Variants in FGD4 observed in about 807,000 individuals in gnomAD.
FGD4 encodes the protein FYVE, RhoGEF and PH domain containing 4.
A neutral mutation model predicts 102.0 loss-of-function variants in FGD4; 42 were observed. The observed-to-expected ratio is 0.41, with a 90% CI of 0.32 to 0.53. The LOEUF (loss-of-function observed/expected upper bound fraction) is 0.53. Ranked by LOEUF, FGD4 falls within the 20% of genes least tolerant of loss-of-function variation. The pLI is 0.21. For synonymous variants in FGD4, 380 were observed against 375.7 expected (o/e 1.01, Z -0.13); for missense variants, 902 against 1,078.2 (o/e 0.84, Z 2.29).
At chr12:32,602,134 A>G (rs1454207684) in intron 6 of FGD4, 27 bp from the exon 7 acceptor site, 1 of 1,611,848 alleles carries the variant, frequency 6.2e-7, no homozygotes, top group East Asian at 2.2e-5. Context: ...TTTTTTTTAA[A>G]GACTTGTTTT....
intron 1 of FGD4, among the ~76,000 whole-genome samples, chr12:32,483,163 C>T (rs1350224814): frequency 2.0e-5 from 3 of 152,094 alleles, no homozygotes; most frequent in Non-Finnish European, 2.9e-5. Context: ...TAGCTTGTAA[C>T]GAATTGGTTA....
chr12:32,491,249 T>G (rs1944085446), intron 1 of FGD4, among the ~76,000 whole-genome samples: 1 of 151,340 alleles, frequency 6.6e-6, no homozygotes, highest in South Asian at 2.1e-4. Flanking sequence ...ACAATTAAAC[T>G]CTAAGTAGAG....
intron 1 of FGD4, among the ~76,000 whole-genome samples, chr12:32,440,043 T>A (rs1942378167): frequency 7.9e-6 from 1 of 126,270 alleles, no homozygotes; most frequent in Non-Finnish European, 1.7e-5. Context: ...AATTATCAAT[T>A]CCTTCTCTAT....
chr12:32,525,844 T>C (rs953405151), intron 1 of FGD4, among the ~76,000 whole-genome samples: 1 of 152,042 alleles, frequency 6.6e-6, no homozygotes, highest in Admixed American at 6.5e-5. Flanking sequence ...GTGTACTGAG[T>C]CCCCCAGCAC....
chr12:32,401,745 T>TTTTAG (rs60545477), intron 1 of FGD4, among the ~76,000 whole-genome samples: 1 of 121,690 alleles, frequency 8.2e-6, no homozygotes, highest in African/African-American at 3.0e-5. Flanking sequence ...TTTTTTTTTT[T>TTTTAG]GAGACGCAGT....
At chr12:32,524,597 G>A (rs1246329505) in intron 1 of FGD4, among the ~76,000 whole-genome samples, 1 of 151,926 alleles carries the variant, frequency 6.6e-6, no homozygotes, top group Admixed American at 6.6e-5. Flanking sequence ...GGCCAAGATG[G>A]GAGGACCGCT....
chr12:32,502,405 G>GC (rs1938296355), intron 1 of FGD4: 2 of 935,386 alleles, frequency 2.1e-6, no homozygotes, highest in East Asian at 2.3e-4. Context: ...TCTCCATGTG[G>GC]TCCAAGGAAA....
At position 32,619,597 on chromosome 12, in the gene FGD4, ACTC is replaced by A. The variant is rs1949674637; in HGVS notation, c.1750-99_1750-97del. On this transcript the variant is annotated intron_variant, in intron 10 of 16. Transcript: ENST00000534526. The stretch of plus-strand genomic sequence containing the variant: ...CAATGAGCCAAGGTCACACTATTAC[ACTC>A]CAGCCTGGGCAACAGAGTGAGACTC... The A allele has an allele frequency of 1.3e-5, 17 of 1,327,078 alleles. No homozygotes were observed. In the South Asian group the frequency reaches 1.8e-4, roughly 14 times the overall value. The allele number at this position is 1,327,078 out of a possible 1,614,324, so 82.2% of individuals were successfully genotyped here.
At chr12:32,581,888 A>G in intron 3 of FGD4, 72 bp from the exon 4 acceptor site, 1 of 1,552,026 alleles carries the variant, frequency 6.4e-7, no homozygotes, top group Non-Finnish European at 8.9e-7. Flanking sequence ...TTTCAACTGG[A>G]ATAAACTTGT....
intron 1 of FGD4, among the ~76,000 whole-genome samples, chr12:32,552,673 G>A (rs912995000): frequency 2.6e-5 from 4 of 152,066 alleles, no homozygotes; most frequent in African/African-American, 9.7e-5. Flanking sequence ...ATGAGGGAGA[G>A]CTGCCTTCCT....
intron 1 of FGD4, among the ~76,000 whole-genome samples, chr12:32,462,295 T>G (rs559201141): frequency 2.0e-5 from 3 of 152,264 alleles, no homozygotes; most frequent in South Asian, 4.1e-4. Context: ...TAGCTGGGAT[T>G]TCTGGTGCAT....
At chr12:32,638,937 C>G (rs1343920082) in intron 16 of FGD4, 142 bp downstream of exon 16, 7 of 1,505,262 alleles carry the variant, frequency 4.7e-6, no homozygotes, top group Non-Finnish European at 5.3e-6. Flanking sequence ...GAGTAAAGTT[C>G]AAGTTTGTTG....
chr12:32,433,915 GC>G (rs1006648454), intron 1 of FGD4, among the ~76,000 whole-genome samples: 1 of 151,970 alleles, frequency 6.6e-6, no homozygotes, highest in African/African-American at 2.4e-5. Flanking sequence ...GAGTGCAGTG[GC>G]GTGATCTTGG....
At chr12:32,581,237 T>C (rs564586400) in intron 3 of FGD4, among the ~76,000 whole-genome samples, 6 of 152,184 alleles carry the variant, frequency 3.9e-5, no homozygotes, top group African/African-American at 1.4e-4. Context: ...AAGAACACAG[T>C]GAGTTAAGGA....
intron 4 of FGD4, among the ~76,000 whole-genome samples, chr12:32,596,500 T>C (rs549313601): frequency 6.9e-4 from 105 of 152,230 alleles, no homozygotes; most frequent in African/African-American, 2.5e-3. Flanking sequence ...ATGTACATAG[T>C]ATGGATTTTG....
chr12:32,523,894 C>T (rs911364305), intron 1 of FGD4, among the ~76,000 whole-genome samples: 11 of 152,084 alleles, frequency 7.2e-5, no homozygotes, highest in African/African-American at 1.2e-4. Context: ...AGGAGAATGG[C>T]GTGAACCCGG....
chr12:32,612,580 C>T (rs964157777), intron 10 of FGD4, among the ~76,000 whole-genome samples: 8 of 151,708 alleles, frequency 5.3e-5, no homozygotes, highest in African/African-American at 2.4e-5. Flanking sequence ...ATGATACTTT[C>T]GGAAATCCTC....
intron 1 of FGD4, among the ~76,000 whole-genome samples, chr12:32,547,232 G>C (rs1431069170): frequency 3.9e-5 from 6 of 152,074 alleles, no homozygotes; most frequent in Non-Finnish European, 8.8e-5. Flanking sequence ...GAGTTCAGGA[G>C]TTTGAGACCA....
intron 1 of FGD4, among the ~76,000 whole-genome samples, chr12:32,473,617 G>T (rs1047476052): frequency 6.6e-6 from 1 of 152,122 alleles, no homozygotes; most frequent in African/African-American, 2.4e-5. Context: ...CTTCATTCTT[G>T]AAGTCAGACC....
Sources: allele counts gnomAD v4.1 joint callset (sites outside exome capture counted in the v4.1 genomes callset), GRCh38; gene constraint gnomAD v4.1.1; transcripts MANE v1.5; gene names NCBI Gene and HGNC (gene_info 2026-07-23, HGNC 2026-07-21).